CDH18: variants seen among roughly 807,000 people sequenced by gnomAD.
The protein encoded by CDH18 is cadherin-18.
CDH18 carries 31 observed loss-of-function variants against 67.9 expected under a neutral mutation model. The observed-to-expected ratio is 0.46, with a 90% CI of 0.34 to 0.62. The LOEUF is 0.62. Among genes scored for constraint, CDH18 ranks in the 20% least tolerant of loss-of-function variants. The probability of loss-of-function intolerance (pLI) is 0.01; values close to 1 mark genes in which losing one functional copy is unlikely to be tolerated. For synonymous variants in CDH18, 362 were observed against 347.2 expected (o/e 1.04, Z -0.48); for missense variants, 890 against 975.5 (o/e 0.91, Z 1.17).
chr5:19,708,759 A>T (rs984923617), intron 5 of CDH18, among the ~76,000 whole-genome samples: 5 of 152,176 alleles, frequency 3.3e-5, no homozygotes, highest in African/African-American at 9.7e-5. Flanking sequence ...TCTATAATCT[A>T]TAGAAACAGT....
intron 11 of CDH18, among the ~76,000 whole-genome samples, chr5:19,500,043 T>C (rs146290778): frequency 7.8e-4 from 118 of 152,058 alleles, no homozygotes; most frequent in African/African-American, 2.6e-3. Context: ...TTAACTTACA[T>C]AGGCACAGAA....
At chr5:20,506,766 T>A (rs891101273) in intron 1 of CDH18, among the ~76,000 whole-genome samples, 1 of 152,248 alleles carries the variant, frequency 6.6e-6, no homozygotes. Context: ...TGCTAATTTT[T>A]TATTTCTTAC....
intron 5 of CDH18, among the ~76,000 whole-genome samples, chr5:19,620,113 G>A (rs1750463831): frequency 1.3e-5 from 2 of 152,182 alleles, no homozygotes; most frequent in South Asian, 4.1e-4. Context: ...ATTCATAGAG[G>A]TAGACATTTT....
At chr5:20,479,851 A>C (rs1199013007) in intron 1 of CDH18, among the ~76,000 whole-genome samples, 1 of 152,194 alleles carries the variant, frequency 6.6e-6, no homozygotes, top group South Asian at 2.1e-4. Context: ...TAAATAATCA[A>C]AGGTCATGAT....
intron 2 of CDH18, among the ~76,000 whole-genome samples, chr5:20,247,505 G>A (rs1042093123): frequency 2.6e-5 from 4 of 152,060 alleles, no homozygotes; most frequent in Non-Finnish European, 4.4e-5. Context: ...AGTGGCTCAC[G>A]CCTGGAATCC....
chr5:19,652,982 G>A (rs1452575842), intron 5 of CDH18, among the ~76,000 whole-genome samples: 1 of 151,998 alleles, frequency 6.6e-6, no homozygotes, highest in Non-Finnish European at 1.5e-5. Context: ...CCTCGACTTG[G>A]CTTCTAACCA....
intron 2 of CDH18, among the ~76,000 whole-genome samples, chr5:20,211,311 G>C (rs957145561): frequency 1.3e-5 from 2 of 152,054 alleles, no homozygotes; most frequent in African/African-American, 2.4e-5. Context: ...TCCACCTCTG[G>C]GGGTAGGACA....
chr5:19,652,663 T>C (rs571312398), intron 5 of CDH18, among the ~76,000 whole-genome samples: 10 of 152,074 alleles, frequency 6.6e-5, no homozygotes, highest in African/African-American at 1.4e-4. Flanking sequence ...GAGGTGACGA[T>C]TGGCGTTTAT....
intron 5 of CDH18, among the ~76,000 whole-genome samples, chr5:19,674,067 TTTTA>T (rs1759130730): frequency 6.6e-6 from 1 of 152,146 alleles, no homozygotes; most frequent in Non-Finnish European, 1.5e-5. Context: ...TACTACCTTC[TTTTA>T]TTTTTTTGTC....
intron 2 of CDH18, among the ~76,000 whole-genome samples, chr5:20,022,246 T>C (rs1738493161): frequency 6.6e-6 from 1 of 152,230 alleles, no homozygotes; most frequent in Non-Finnish European, 1.5e-5. Context: ...ATAATACAGG[T>C]ACTTCGTGGT....
intron 5 of CDH18, among the ~76,000 whole-genome samples, chr5:19,631,371 C>G (rs1752389369): frequency 6.6e-6 from 1 of 152,096 alleles, no homozygotes; most frequent in African/African-American, 2.4e-5. Flanking sequence ...ATCAAGCTGA[C>G]TCTCGATTTG....
intron 2 of CDH18, among the ~76,000 whole-genome samples, chr5:19,952,974 A>C (rs1038424860): frequency 7.2e-5 from 11 of 152,096 alleles, no homozygotes; most frequent in African/African-American, 2.4e-4. Flanking sequence ...TCTGACAAGG[A>C]AATTAGACTA....
At chr5:19,934,172 A>T (rs1793999608) in intron 2 of CDH18, among the ~76,000 whole-genome samples, 1 of 151,404 alleles carries the variant, frequency 6.6e-6, no homozygotes, top group African/African-American at 2.4e-5. Context: ...AGAAGGAAAC[A>T]AAAGACAGAA....
In CDH18 at chr5:19,811,161, G is replaced by GAAAGAAAGAAAGAAAGAAA. The variant is rs1491122708; in HGVS notation, c.228+27597_228+27598insTTTCTTTCTTTCTTTCTTT. Among the ~76,000 whole-genome samples the GAAAGAAAGAAAGAAAGAAA allele has an allele frequency of 7.6e-4, 21 of 27,604 alleles. 2 individuals carry two copies. The highest frequency in any genetic ancestry group is 9.9e-4 in the Non-Finnish European group (14 of 14,212). 18.1% of individuals were successfully genotyped at this position (27,604 alleles called of 152,430 possible). ...AAGAAAGAAAGAAAGAAAGAAAGAA[G>GAAAGAAAGAAAGAAAGAAA]GAGAGAAAGAAAGAGAAGAAAGAGG... On this transcript the variant is annotated intron_variant, in intron 3 of 12. Transcript: ENST00000382275.
chr5:20,034,815 T>C (rs1030484058), intron 2 of CDH18, among the ~76,000 whole-genome samples: 2 of 151,964 alleles, frequency 1.3e-5, no homozygotes, highest in Non-Finnish European at 2.9e-5. Context: ...CATAGATAGA[T>C]AGATAGAGAT....
chr5:20,239,463 C>CA (rs1742724634), intron 2 of CDH18, among the ~76,000 whole-genome samples: 1 of 151,736 alleles, frequency 6.6e-6, no homozygotes, highest in Non-Finnish European at 1.5e-5. Flanking sequence ...CTCCAAAAAA[C>CA]AAAAAATTAA....
intron 10 of CDH18, among the ~76,000 whole-genome samples, chr5:19,504,751 T>C (rs1339011120): frequency 6.6e-6 from 1 of 152,116 alleles, no homozygotes; most frequent in Non-Finnish European, 1.5e-5. Flanking sequence ...TCTTGAATTT[T>C]AGTGATTCTC....
chr5:20,519,936 T>G (rs1187698934), intron 1 of CDH18, among the ~76,000 whole-genome samples: 12 of 135,586 alleles, frequency 8.9e-5, no homozygotes, highest in Non-Finnish European at 1.7e-4. Flanking sequence ...TACAACACAG[T>G]CTTGGCTTTT....
In CDH18 at chr5:20,509,407, C is replaced by CTTTTT. The variant is rs565488310; in HGVS notation, c.-580+66050_-580+66054dup. Among the ~76,000 whole-genome samples the CTTTTT allele has an allele frequency of 3.6e-5, 5 of 139,336 alleles. 1 individual carries two copies. The highest frequency in any genetic ancestry group is 7.3e-5 in the Admixed American group (1 of 13,762). The allele number at this position is 139,336 out of a possible 152,430, so 91.4% of individuals were successfully genotyped here. A position where few individuals can be genotyped will look rare whatever the true frequency, so the allele number is the denominator to read the frequency against. ...TGTTGTCCCAAATGACAGGATTTCCCTTTTTTTTTTTTTTTAGATGGAGTC... is the reference window on the plus strand; with the variant it reads ...TGTTGTCCCAAATGACAGGATTTCCCTTTTTTTTTTTTTTTTTTTTAGATGGAGTC... On this transcript the variant is annotated intron_variant, in intron 1 of 14. Coordinates refer to the CDH18 transcript ENST00000507958.
Sources: allele counts gnomAD v4.1 joint callset (sites outside exome capture counted in the v4.1 genomes callset), GRCh38; gene constraint gnomAD v4.1.1; transcripts MANE v1.5; gene names NCBI Gene and HGNC (gene_info 2026-07-23, HGNC 2026-07-21).